Variants in CAMTA1 observed in about 807,000 individuals in gnomAD.
The protein encoded by CAMTA1 is calmodulin binding transcription activator 1, also known as calmodulin-binding transcription activator 1.
CAMTA1 carries 27 observed loss-of-function variants against 170.9 expected under a neutral mutation model. The ratio of observed to expected loss-of-function variants is 0.16; its 90% CI spans 0.12 to 0.22. The LOEUF (loss-of-function observed/expected upper bound fraction) is 0.22. Among genes scored for constraint, CAMTA1 ranks in the 10% least tolerant of loss-of-function variants. CAMTA1 has a pLI of 1.00. For missense variants in CAMTA1, 1,619 were observed against 2,217.2 expected (o/e 0.73, Z 5.42); for synonymous variants, 833 against 891.5 (o/e 0.93, Z 1.17).
chr1:7,103,448 C>T (rs1242331270), intron 4 of CAMTA1, among the ~76,000 whole-genome samples: 1 of 145,482 alleles, frequency 6.9e-6, no homozygotes, highest in African/African-American at 2.6e-5. Context: ...CACACATGCA[C>T]ACACAACTAC....
At chr1:7,573,221 C>T (rs570176442) in intron 6 of CAMTA1, among the ~76,000 whole-genome samples, 5 of 152,168 alleles carry the variant, frequency 3.3e-5, no homozygotes, top group Non-Finnish European at 7.3e-5. Context: ...AGTGCCAGGG[C>T]CCTGCTCCCC....
intron 3 of CAMTA1, among the ~76,000 whole-genome samples, chr1:7,074,846 A>T (rs576133688): frequency 1.3e-5 from 2 of 152,310 alleles, no homozygotes; most frequent in African/African-American, 4.8e-5. Flanking sequence ...AAAGCCTTTC[A>T]TTGGGTGTGA....
chr1:7,518,780 G>A (rs1049650243), intron 6 of CAMTA1, among the ~76,000 whole-genome samples: 6 of 151,972 alleles, frequency 3.9e-5, no homozygotes, highest in Admixed American at 1.3e-4. Context: ...AAAAAGTCAG[G>A]AGGAGCCACA....
At chr1:7,626,777 G>A (rs962780052) in intron 6 of CAMTA1, among the ~76,000 whole-genome samples, 1 of 152,110 alleles carries the variant, frequency 6.6e-6, no homozygotes, top group Non-Finnish European at 1.5e-5. Context: ...GATGGAAGGG[G>A]GTTGATAAGT....
chr1:7,327,092 G>C (rs1042691199), intron 5 of CAMTA1, among the ~76,000 whole-genome samples: 6 of 152,138 alleles, frequency 3.9e-5, no homozygotes, highest in Admixed American at 2.6e-4. Context: ...GGATAGGCGG[G>C]GGGGAAAGTC....
intron 3 of CAMTA1, among the ~76,000 whole-genome samples, chr1:6,912,075 G>A (rs751743629): frequency 6.6e-6 from 1 of 152,180 alleles, no homozygotes; most frequent in Non-Finnish European, 1.5e-5. Context: ...GGATTGGTGG[G>A]TGGCTCTAGT....
chr1:7,751,705 C>T (rs1183651320), intron 20 of CAMTA1, among the ~76,000 whole-genome samples: 2 of 133,098 alleles, frequency 1.5e-5, no homozygotes, highest in African/African-American at 5.6e-5. Flanking sequence ...TAGTTTAACC[C>T]ATTTCCTGTT....
intron 12 of CAMTA1, among the ~76,000 whole-genome samples, chr1:7,734,043 G>T (rs1052009924): frequency 6.6e-6 from 1 of 152,138 alleles, no homozygotes; most frequent in African/African-American, 2.4e-5. Context: ...CGCCTCCGAG[G>T]TTCAAGCGAT....
intron 5 of CAMTA1, chr1:7,441,636 C>A (rs2092540665): frequency 6.6e-6 from 1 of 152,134 alleles, no homozygotes; most frequent in African/African-American, 2.4e-5. Context: ...TGGCTGATGG[C>A]AGAATTTGCA....
At chr1:7,494,616 C>G (rs1001991238) in intron 6 of CAMTA1, among the ~76,000 whole-genome samples, 1 of 152,050 alleles carries the variant, frequency 6.6e-6, no homozygotes, top group African/African-American at 2.4e-5. Context: ...CCAGCCTGGT[C>G]AATGTGGTAA....
intron 3 of CAMTA1, among the ~76,000 whole-genome samples, chr1:7,034,856 G>T (rs967255118): frequency 3.9e-5 from 6 of 152,070 alleles, no homozygotes; most frequent in Non-Finnish European, 7.4e-5. Flanking sequence ...ACTCCATCTT[G>T]GCCAGAGGCA....
chr1:7,682,816 C>T lies in CAMTA1; in HGVS notation c.2914+5083C>T, dbSNP rs1381838741. Among the ~76,000 whole-genome samples, 1 of 152,228 alleles carries T rather than the reference C, an allele frequency of 6.6e-6. No homozygotes were observed. Among genetic ancestry groups the T allele is most frequent in the East Asian group, 1.9e-4 (1 of 5,202 alleles). ...CCTCCCTCAGATCCACCCAGCCCACCTCCGAGCAACCCTCAGCTGGCCCAT... is the reference window on the plus strand; with the variant it reads ...CCTCCCTCAGATCCACCCAGCCCACTTCCGAGCAACCCTCAGCTGGCCCAT... On this transcript the variant is annotated intron_variant, in intron 11 of 22. Transcript: ENST00000303635. The surrounding 1 kb of genome is among the most constrained non-coding windows in gnomAD (Gnocchi z 5.0).
chr1:7,287,916 G>A lies in CAMTA1; in HGVS notation c.438+38290G>A, dbSNP rs537544885. 9.9e-5 allele frequency among the ~76,000 whole-genome samples: 15 copies of A among 152,232 alleles called. No homozygotes were observed. The South Asian group carries it at 2.5e-3, about 25-fold the overall frequency. On this transcript the variant is annotated intron_variant, in intron 5 of 22. Coordinates refer to ENST00000303635, the MANE Select transcript of CAMTA1 (RefSeq NM_015215.4). ...ACATCAATTTTACCTTCATTTCATT[G>A]GCCAGAACTCAGTCCCATGGCCAGT...
chr1:7,525,559 G>A (rs2094422208), intron 6 of CAMTA1, among the ~76,000 whole-genome samples: 1 of 152,102 alleles, frequency 6.6e-6, no homozygotes, highest in Non-Finnish European at 1.5e-5. Context: ...TTGCCGAGTT[G>A]ATGGTTTTTT....
chr1:7,145,394 T>C (rs974776569), intron 4 of CAMTA1, among the ~76,000 whole-genome samples: 1 of 152,248 alleles, frequency 6.6e-6, no homozygotes, highest in Non-Finnish European at 1.5e-5. Flanking sequence ...TGAGGTTCTA[T>C]CTTTGAAGAA....
intron 3 of CAMTA1, among the ~76,000 whole-genome samples, chr1:7,019,464 C>G (rs1253403977): frequency 6.6e-6 from 1 of 152,176 alleles, no homozygotes; most frequent in African/African-American, 2.4e-5. Context: ...AGGGCAGCTC[C>G]TGGTGGTGGG....
chr1:6,799,064 T>A (rs1454097356), intron 1 of CAMTA1, among the ~76,000 whole-genome samples: 1 of 152,036 alleles, frequency 6.6e-6, no homozygotes, highest in Non-Finnish European at 1.5e-5. Context: ...ATTTATTCGT[T>A]ACTTATTATT....
chr1:6,951,309 A>G (rs1300356561), intron 3 of CAMTA1, among the ~76,000 whole-genome samples: 4 of 152,138 alleles, frequency 2.6e-5, no homozygotes, highest in Non-Finnish European at 5.9e-5. Flanking sequence ...TTAGCTTTAC[A>G]TTTGTGTAAA....
intron 11 of CAMTA1, among the ~76,000 whole-genome samples, chr1:7,711,085 T>G (rs929170725): frequency 1.8e-4 from 28 of 152,238 alleles, no homozygotes; most frequent in African/African-American, 6.7e-4. Flanking sequence ...AACACAGATT[T>G]ATTTCTCAGT....
Sources: gnomAD v4.1 joint callset for allele counts (sites outside exome capture counted in the v4.1 genomes callset) on GRCh38, gnomAD v4.1.1 for gene constraint, Gnocchi (gnomAD v3.1) non-coding constraint, MANE v1.5 for transcripts, NCBI Gene and HGNC (gene_info 2026-07-23, HGNC 2026-07-21) for gene names.